The following STK11IP variants were observed in gnomAD, a reference collection of about 807,000 sequenced individuals.
STK11IP encodes serine/threonine-protein kinase 11-interacting protein.
STK11IP carries 103 observed loss-of-function variants against 131.7 expected under a neutral mutation model. The observed-to-expected ratio is 0.78, with a 90% CI of 0.67 to 0.92. The LOEUF is 0.92. Ranked by LOEUF, STK11IP falls within the 40% of genes least tolerant of loss-of-function variation. STK11IP has a pLI of 0.00. For synonymous variants in STK11IP, 557 were observed against 575.6 expected, an observed-to-expected ratio of 0.97 and a Z score of 0.46; for missense variants, 1,315 against 1,385.7, an observed-to-expected ratio of 0.95 and a Z score of 0.81.
At chr2:219,608,516 G>C in intron 14 of STK11IP, 67 bp from the exon 15 acceptor site, 1 of 1,538,586 alleles carries the variant, frequency 6.5e-7, no homozygotes, top group Non-Finnish European at 8.8e-7. Context: ...TGGAGGGCCA[G>C]TTCGGGGGAG....
Position 219,605,796 on chromosome 2 carries a change from G to C in STK11IP, c.745+62G>C, listed in dbSNP as rs935657713. 7.7e-6 allele frequency: 12 copies of C among 1,561,660 alleles called. No homozygotes were observed. In the African/African-American group the frequency reaches 1.6e-4, roughly 21 times the overall value. ...GAAGGGGGAGAGTGAGGCTGGGGCT[G>C]GCCTGGGGACCATGTGCCTCTAGAG... On this transcript the variant is annotated intron_variant, in intron 8 of 24. Transcript: ENST00000456909.
In STK11IP at chr2:219,613,858, G is replaced by T. The variant is rs762298614; in HGVS notation, c.2644G>T (p.Ala882Ser). ...AGQSLRLEWA[A>S]GAGRCVLLPR... ...CCAGAGCCTGCGGCTAGAGTGGGCA[G>T]CTGGGGCGGGCCGCTGTGTGCTGCT... The change falls in exon 21 of 25, where the codon GCT (alanine) becomes TCT (serine). Residue 882 changes from alanine to serine, a missense_variant. Coordinates refer to ENST00000456909, the MANE Select transcript of STK11IP (RefSeq NM_052902.4). 6.2e-7 allele frequency: 1 copy of T among 1,612,126 alleles called. No individual in the cohort carries two copies. The highest frequency in any genetic ancestry group is 1.1e-5 in the South Asian group (1 of 91,080).
At chr2:219,598,400 C>G (rs768579185) in intron 2 of STK11IP, 2 of 477,038 alleles carry the variant, frequency 4.2e-6, no homozygotes, top group Non-Finnish European at 7.3e-6. Context: ...GGGCGGTATC[C>G]CTCCCTCCGT....
At chr2:219,601,548 G>A in intron 3 of STK11IP, 93 bp from the exon 4 acceptor site, 2 of 1,554,756 alleles carry the variant, frequency 1.3e-6, no homozygotes, top group Non-Finnish European at 1.7e-6. Context: ...TCCAGAGGGT[G>A]TCAGAGGTAC....
chr2:219,608,389 G>A lies in STK11IP; in HGVS notation c.1562G>A (p.Gly521Glu). Residue 521 changes from glycine (G) to glutamate (E), a missense_variant, in exon 14 of 25, where the codon GGA becomes GAA. By Grantham distance (98) the Gly-to-Glu change is moderately conservative. Coordinates refer to ENST00000456909, the MANE Select transcript of STK11IP (RefSeq NM_052902.4). ...GTGGAACAGGGAGAAGAGGAGGCAG[G>A]AGAGGAGGAAGAAGAGGAGCAGGAC... ...EMVEQGEEEA[G>E]EEEEEEQDQK... is the part of the protein sequence containing the mutation. 1 of 1,577,960 alleles carries A rather than the reference G, an allele frequency of 6.3e-7. No homozygotes were observed. The highest frequency in any genetic ancestry group is 1.3e-5 in the African/African-American group (1 of 74,312).
At chr2:219,613,725 C>G in intron 20 of STK11IP, 27 bp from the exon 21 acceptor site, 1 of 1,612,090 alleles carries the variant, frequency 6.2e-7, no homozygotes, top group Non-Finnish European at 8.5e-7. Flanking sequence ...TCATGCTTCT[C>G]CATTGCTCTG....
intron 19 of STK11IP, 130 bp downstream of exon 19, chr2:219,612,188 T>G (rs953954210): frequency 1.9e-5 from 15 of 792,832 alleles, no homozygotes; most frequent in African/African-American, 1.7e-4. Context: ...CCCAGCAGCT[T>G]CTTGCTGTGT....
chr2:219,603,462 C>T (rs1698055309), intron 7 of STK11IP, among the ~76,000 whole-genome samples: 1 of 152,084 alleles, frequency 6.6e-6, no homozygotes. Context: ...TCTTCTGGGT[C>T]CTCCCATCCA....
chr2:219,600,516 A>C (rs1400406192), intron 2 of STK11IP, among the ~76,000 whole-genome samples: 1 of 152,140 alleles, frequency 6.6e-6, no homozygotes, highest in Non-Finnish European at 1.5e-5. Flanking sequence ...TTGACTCCAT[A>C]CTTATTATAT....
chr2:219,602,569 C>T lies in STK11IP; in HGVS notation c.540C>T (p.Ser180=). The T allele has an allele frequency of 6.2e-7, 1 of 1,613,896 alleles. No individual in the cohort carries two copies. ...FSYNALTALD[S]SLRLLSALRF... is the part of the protein sequence containing the mutation. ...ACAATGCACTGACCGCCTTAGACAG[C>T]TCCCTGGTGAGTGCCTCAGAGGGAA... Residue 180 remains serine, a synonymous_variant, in exon 6 of 25, where the codon AGC becomes AGT. Coordinates refer to ENST00000456909, the MANE Select transcript of STK11IP (RefSeq NM_052902.4).
At chr2:219,602,666 G>A in intron 6 of STK11IP, 39 bp from the exon 7 acceptor site, 1 of 1,613,062 alleles carries the variant, frequency 6.2e-7, no homozygotes, top group Non-Finnish European at 8.5e-7. Context: ...TAGTATTGTA[G>A]TGAACATCGA....
chr2:219,598,350 C>T (rs549637173), intron 2 of STK11IP, 170 bp downstream of exon 2: 4 of 527,546 alleles, frequency 7.6e-6, no homozygotes, highest in South Asian at 3.0e-5. Context: ...GTGTCCTTTG[C>T]CTGTGATAGC....
Position 219,605,694 on chromosome 2 carries a change from G to A in STK11IP, c.705G>A (p.Gly235=). ...PRMGPSGAAL[G]VLILRGNELR... ...TGGGACCCTCAGGGGCTGCTCTGGG[G>A]GTCCTGATACTGCGAGGCAATGAGC... The change falls in exon 8 of 25, where the codon GGG becomes GGA. Residue 235 remains glycine (G), a synonymous_variant. Transcript: ENST00000456909. 1 of 1,582,274 alleles carries A rather than the reference G, an allele frequency of 6.3e-7. No individual in the cohort carries two copies. Among genetic ancestry groups the A allele is most frequent in the Non-Finnish European group, 8.6e-7 (1 of 1,164,286 alleles).
chr2:219,602,176 C>T (rs1301163688), intron 5 of STK11IP, 93 bp downstream of exon 5: 3 of 925,752 alleles, frequency 3.2e-6, no homozygotes, highest in African/African-American at 3.3e-5. Flanking sequence ...GCTCTCCCTG[C>T]CTCCTGCTTC....
chr2:219,611,215 T>C (rs760029737), intron 17 of STK11IP, among the ~76,000 whole-genome samples: 2 of 152,218 alleles, frequency 1.3e-5, no homozygotes, highest in Non-Finnish European at 2.9e-5. Context: ...GCAACAGAGT[T>C]CTCTGCCTTT....
At position 219,616,276 on chromosome 2, in the gene STK11IP, G is replaced by T; in HGVS notation, c.*83G>T. 2 of 1,499,212 alleles carry T rather than the reference G, an allele frequency of 1.3e-6. No individual in the cohort carries two copies. Among genetic ancestry groups the T allele is most frequent in the South Asian group, 2.7e-5 (2 of 75,308 alleles). 92.9% of individuals were successfully genotyped at this position (1,499,212 alleles called of 1,614,324 possible). On this transcript the variant is annotated 3_prime_UTR_variant, in exon 25 of 25. Coordinates refer to ENST00000456909, the MANE Select transcript of STK11IP (RefSeq NM_052902.4). The stretch of plus-strand genomic sequence containing the variant: ...CCTGGTCTCTGGGTCTGGCTTCCAG[G>T]CTCTGGCTGTGGATGTCTTCAGCCT...
At position 219,611,537 on chromosome 2, in the gene STK11IP, G is replaced by A. The variant is rs888585433; in HGVS notation, c.2105-67G>A. 49 of 1,333,554 alleles carry A rather than the reference G, an allele frequency of 3.7e-5. No homozygotes were observed. In the East Asian group the frequency reaches 1.1e-3, roughly 29 times the overall value. 82.6% of individuals were successfully genotyped at this position (1,333,554 alleles called of 1,614,324 possible). ...GACCTGAGCATGGGGAAGGAGCATCGTGAGCATGGTGGGAGTTGTGGCACT... is the reference window on the plus strand; with the variant it reads ...GACCTGAGCATGGGGAAGGAGCATCATGAGCATGGTGGGAGTTGTGGCACT... On this transcript the variant is annotated intron_variant, in intron 17 of 24. Coordinates refer to ENST00000456909, the MANE Select transcript of STK11IP (RefSeq NM_052902.4).
At chr2:219,609,668 C>T (rs1263945397) in intron 17 of STK11IP, 128 bp downstream of exon 17, 16 of 1,119,122 alleles carry the variant, frequency 1.4e-5, no homozygotes, top group Non-Finnish European at 2.1e-5. Context: ...AGTTGTTCTG[C>T]CTGGAGGAAA....
At chr2:219,599,854 C>T (rs1697922159) in intron 2 of STK11IP, among the ~76,000 whole-genome samples, 1 of 151,500 alleles carries the variant, frequency 6.6e-6, no homozygotes, top group African/African-American at 2.4e-5. Flanking sequence ...TCTTCTGCCT[C>T]AGCCTCCCGA....
Sources: gnomAD v4.1 joint callset for allele counts (sites outside exome capture counted in the v4.1 genomes callset) on GRCh38, gnomAD v4.1.1 for gene constraint, MANE v1.5 for transcripts, NCBI Gene and HGNC (gene_info 2026-07-23, HGNC 2026-07-21) for gene names.